Variants in LUC7L observed in about 807,000 individuals in gnomAD.
LUC7L encodes putative RNA-binding protein Luc7-like 1.
In LUC7L, 29 loss-of-function variants were observed where a neutral mutation model predicts 51.1. That is an observed-to-expected ratio of 0.57 (90% CI 0.42 to 0.77). The LOEUF is 0.77. LUC7L is among the 30% of genes least tolerant of loss of function. The pLI is 0.00. For missense variants in LUC7L, 403 were observed against 511.9 expected, an observed-to-expected ratio of 0.79 and a Z score of 2.05; for synonymous variants, 181 against 180.7, an observed-to-expected ratio of 1.00 and a Z score of -0.01.
At chr16:210,244 G>A (rs1319561581) in intron 3 of LUC7L, among the ~76,000 whole-genome samples, 2 of 152,082 alleles carry the variant, frequency 1.3e-5, no homozygotes, top group South Asian at 2.1e-4. Flanking sequence ...CTGAGATCGC[G>A]CCATTGCACT....
At position 206,073 on chromosome 16, in the gene LUC7L, A is replaced by C. The variant is rs748995158; in HGVS notation, c.441T>G (p.Gly147=). 4 of 1,613,496 alleles carry C rather than the reference A, an allele frequency of 2.5e-6. No individual in the cohort carries two copies. Among genetic ancestry groups the C allele is most frequent in the Non-Finnish European group, 3.4e-6 (4 of 1,179,876 alleles). Residue 147 remains glycine, a synonymous_variant, in exon 5 of 10, where the codon GGT becomes GGG. Coordinates refer to ENST00000293872, the MANE Select transcript of LUC7L (RefSeq NM_201412.3). The part of the protein sequence containing the change: ...LAKAEQLGAE[G]NVDESQKILM... Reference sequence around the variant, plus strand: ...GAATCTTCTGGGATTCATCCACATTACCTTCAGCCCCTAGCTGTTCGGCTT... The same window carrying C: ...GAATCTTCTGGGATTCATCCACATTCCCTTCAGCCCCTAGCTGTTCGGCTT...
chr16:195,694 AT>A (rs1480164430), intron 6 of LUC7L, among the ~76,000 whole-genome samples: 4 of 152,118 alleles, frequency 2.6e-5, no homozygotes, highest in Non-Finnish European at 5.9e-5. Flanking sequence ...AAAGACTGGA[AT>A]TACAGGCGTG....
intron 5 of LUC7L, among the ~76,000 whole-genome samples, chr16:201,887 G>A (rs1365254878): frequency 6.6e-6 from 1 of 151,642 alleles, no homozygotes; most frequent in Non-Finnish European, 1.5e-5. Context: ...GGGATTACAG[G>A]TGCCCGCCAC....
At chr16:229,193 A>T (rs1379140473) in intron 1 of LUC7L, 86 bp downstream of exon 1, 1 of 1,497,804 alleles carries the variant, frequency 6.7e-7, no homozygotes, top group Admixed American at 2.2e-5. Flanking sequence ...GCAGGCGCAG[A>T]CGATCGCGGC....
intron 7 of LUC7L, among the ~76,000 whole-genome samples, chr16:191,088 ACAGACAGGCCCACATCCGAGCAT>A (rs1330335795): frequency 6.6e-6 from 1 of 152,078 alleles, no homozygotes; most frequent in African/African-American, 2.4e-5. Context: ...CCTGAGCCTC[ACAGACAGGCCCACATCCGAGCAT>A]CAGACGCAGC....
intron 3 of LUC7L, among the ~76,000 whole-genome samples, chr16:216,536 C>T (rs1201271283): frequency 6.6e-6 from 1 of 152,032 alleles, no homozygotes; most frequent in East Asian, 1.9e-4. Flanking sequence ...GTGCCCACCA[C>T]CATGACCGGC....
chr16:189,448 C>A, intron 9 of LUC7L, 109 bp from the exon 10 acceptor site: 1 of 1,441,318 alleles, frequency 6.9e-7, no homozygotes, highest in South Asian at 1.5e-5. Flanking sequence ...CCCTACATCC[C>A]CTATACCTGG....
At chr16:191,458 A>C (rs1162139180) in intron 7 of LUC7L, among the ~76,000 whole-genome samples, 4 of 152,186 alleles carry the variant, frequency 2.6e-5, no homozygotes, top group Non-Finnish European at 5.9e-5. Flanking sequence ...TGCATGTAAA[A>C]ATGTAAACTC....
At chr16:217,611 G>T (rs1037902519) in intron 3 of LUC7L, among the ~76,000 whole-genome samples, 1 of 151,952 alleles carries the variant, frequency 6.6e-6, no homozygotes, top group East Asian at 1.9e-4. Flanking sequence ...GGAGGCTGAG[G>T]CAGGAAAATC....
chr16:196,423 C>CA (rs1348268387), intron 6 of LUC7L, among the ~76,000 whole-genome samples: 2 of 148,314 alleles, frequency 1.3e-5, no homozygotes, highest in African/African-American at 5.2e-5. Context: ...AACAAACAAA[C>CA]AAACAAAAAA....
chr16:193,897 G>A (rs545760057), intron 6 of LUC7L, among the ~76,000 whole-genome samples: 16 of 148,218 alleles, frequency 1.1e-4, no homozygotes, highest in Middle Eastern at 3.8e-3. Context: ...TCCGCCTCCC[G>A]GGTTCACGCC....
intron 2 of LUC7L, among the ~76,000 whole-genome samples, chr16:221,320 C>T (rs554988217): frequency 6.7e-6 from 1 of 148,764 alleles, no homozygotes; most frequent in Admixed American, 6.9e-5. Context: ...GCTGGCATTA[C>T]AGGTGTGAGC....
chr16:207,174 G>A (rs938759677), intron 4 of LUC7L, among the ~76,000 whole-genome samples: 6 of 151,668 alleles, frequency 4.0e-5, no homozygotes, highest in East Asian at 3.9e-4. Flanking sequence ...CCTCCAGCCT[G>A]GGCGACAGAA....
At chr16:216,392 T>G (rs1489124304) in intron 3 of LUC7L, among the ~76,000 whole-genome samples, 1 of 149,060 alleles carries the variant, frequency 6.7e-6, no homozygotes, top group Admixed American at 6.7e-5. Flanking sequence ...TTTTTTTTTT[T>G]TTTTTTTTGA....
chr16:206,085 T>A lies in LUC7L; in HGVS notation c.429A>T (p.Leu143=), dbSNP rs1262439870. 2 of 1,613,966 alleles carry A rather than the reference T, an allele frequency of 1.2e-6. No homozygotes were observed. Among genetic ancestry groups the A allele is most frequent in the Middle Eastern group, 3.3e-4 (2 of 6,062 alleles). ...ATTCATCCACATTACCTTCAGCCCC[T>A]AGCTGTTCGGCTTTAGCAAGGAGTT... The part of the protein sequence containing the change: ...IGKLLAKAEQ[L]GAEGNVDESQ... Residue 143 remains leucine (L), a synonymous_variant, in exon 5 of 10, where the codon CTA becomes CTT. Coordinates refer to ENST00000293872, the MANE Select transcript of LUC7L (RefSeq NM_201412.3).
At chr16:202,777 A>G (rs1300008214) in intron 5 of LUC7L, among the ~76,000 whole-genome samples, 1 of 152,216 alleles carries the variant, frequency 6.6e-6, no homozygotes, top group Non-Finnish European at 1.5e-5. Flanking sequence ...ACCCACTTTA[A>G]AGGAATAATA....
chr16:189,394 C>T (rs1319994737), intron 9 of LUC7L, 55 bp from the exon 10 acceptor site: 33 of 1,556,300 alleles, frequency 2.1e-5, no homozygotes, highest in Non-Finnish European at 2.6e-5. Context: ...TTCTGCTGGC[C>T]GCTCAGGCAC....
intron 5 of LUC7L, among the ~76,000 whole-genome samples, chr16:203,614 G>A (rs1030992650): frequency 1.3e-5 from 2 of 151,626 alleles, no homozygotes; most frequent in Middle Eastern, 3.2e-3. Context: ...AGGCTGAGGC[G>A]GGAGAATCAA....
chr16:214,058 T>A (rs1344144153), intron 3 of LUC7L, among the ~76,000 whole-genome samples: 1 of 151,480 alleles, frequency 6.6e-6, no homozygotes, highest in African/African-American at 2.4e-5. Flanking sequence ...CTTTGTTTTG[T>A]GTTCTCATGA....
Sources: allele counts gnomAD v4.1 joint callset (sites outside exome capture counted in the v4.1 genomes callset), GRCh38; gene constraint gnomAD v4.1.1; transcripts MANE v1.5; gene names NCBI Gene and HGNC (gene_info 2026-07-23, HGNC 2026-07-21).